The following EPB41L5 variants were observed in gnomAD, a reference collection of about 807,000 sequenced individuals.
EPB41L5 encodes the protein band 4.1-like protein 5.
Under a neutral mutation model 106.6 loss-of-function variants are expected in EPB41L5, and 55 were observed. The ratio of observed to expected loss-of-function variants is 0.52; its 90% CI spans 0.42 to 0.65. The LOEUF (loss-of-function observed/expected upper bound fraction) is 0.65, where lower values mean the gene tolerates loss of function less well. EPB41L5 is among the 30% of genes least tolerant of loss of function. The pLI, the probability that EPB41L5 is intolerant of heterozygous loss-of-function variation, is 0.00. For synonymous variants in EPB41L5, 297 were observed against 306.7 expected (o/e 0.97, Z 0.33); for missense variants, 871 against 882.1 (o/e 0.99, Z 0.16).
intron 16 of EPB41L5, among the ~76,000 whole-genome samples, chr2:120,120,449 A>AAT (rs1685163570): frequency 6.7e-6 from 1 of 148,936 alleles, no homozygotes; most frequent in African/African-American, 2.5e-5. Flanking sequence ...AAAAAAAAAA[A>AAT]GGAACAAGAA....
intron 16 of EPB41L5, among the ~76,000 whole-genome samples, chr2:120,118,847 T>A (rs796933023): frequency 5.0e-4 from 76 of 152,346 alleles, no homozygotes; most frequent in African/African-American, 1.7e-3. Context: ...TTTGGGTATA[T>A]GCCCAGTAAT....
At chr2:120,092,437 C>A (rs1275021793) in intron 13 of EPB41L5, among the ~76,000 whole-genome samples, 4 of 152,076 alleles carry the variant, frequency 2.6e-5, no homozygotes, top group Non-Finnish European at 5.9e-5. Flanking sequence ...TATACATAGA[C>A]ATTTCCTAAT....
chr2:120,146,499 C>CAA (rs1686410730), intron 20 of EPB41L5, among the ~76,000 whole-genome samples: 1 of 152,216 alleles, frequency 6.6e-6, no homozygotes, highest in African/African-American at 2.4e-5. Context: ...CATTTATCTT[C>CAA]AACTGATTCG....
chr2:120,125,802 C>CCTA (rs1279345913), intron 16 of EPB41L5, among the ~76,000 whole-genome samples: 1 of 152,114 alleles, frequency 6.6e-6, no homozygotes, highest in Admixed American at 6.5e-5. Flanking sequence ...TTTGCTAGGA[C>CCTA]TACTGTTACA....
intron 5 of EPB41L5, 60 bp from the exon 6 acceptor site, chr2:120,075,416 G>A (rs1016261489): frequency 9.6e-5 from 122 of 1,269,676 alleles, no homozygotes; most frequent in Non-Finnish European, 1.8e-5. Context: ...AGAAGTGTAA[G>A]ATTTTTTTTC....
chr2:120,084,908 T>A (rs1274003496), intron 10 of EPB41L5, among the ~76,000 whole-genome samples: 1 of 152,236 alleles, frequency 6.6e-6, no homozygotes, highest in Non-Finnish European at 1.5e-5. Flanking sequence ...TTTCTTCCAG[T>A]TGATCAAATC....
intron 19 of EPB41L5, among the ~76,000 whole-genome samples, chr2:120,146,016 T>TA (rs1177567333): frequency 6.6e-6 from 1 of 152,026 alleles, no homozygotes; most frequent in African/African-American, 2.4e-5. Context: ...GTATACCAAA[T>TA]AAAAAAAGGA....
At chr2:120,120,924 C>A (rs1008599133) in intron 16 of EPB41L5, among the ~76,000 whole-genome samples, 5 of 152,112 alleles carry the variant, frequency 3.3e-5, no homozygotes, top group African/African-American at 9.7e-5. Context: ...GAGACCAGCC[C>A]GGCCAACATG....
chr2:120,052,368 G>A (rs148826357), intron 3 of EPB41L5, among the ~76,000 whole-genome samples: 3 of 152,300 alleles, frequency 2.0e-5, no homozygotes, highest in African/African-American at 7.2e-5. Context: ...TGGGTGTCAT[G>A]TACTTTCATT....
chr2:120,120,854 G>T (rs900146643), intron 16 of EPB41L5, among the ~76,000 whole-genome samples: 3 of 152,182 alleles, frequency 2.0e-5, no homozygotes, highest in African/African-American at 7.2e-5. Flanking sequence ...AGTGGCTCAC[G>T]CCTGCAATCC....
chr2:120,160,983 A>G lies in EPB41L5; in HGVS notation c.1887+9A>G. 1.2e-6 allele frequency: 2 copies of G among 1,608,212 alleles called. No homozygotes were observed. The highest frequency in any genetic ancestry group is 1.7e-6 in the Non-Finnish European group (2 of 1,174,818). On this transcript the variant is annotated intron_variant, in intron 21 of 24. Transcript: ENST00000263713. ...GTGGTTCTGTTCTAAAGGTAAGAAT[A>G]CTTTTACTTCTTAAAATTTTTGCCA...
At chr2:120,067,152 G>A (rs576226976) in intron 3 of EPB41L5, among the ~76,000 whole-genome samples, 86 of 152,252 alleles carry the variant, frequency 5.6e-4, no homozygotes, top group African/African-American at 1.8e-3. Flanking sequence ...AGTAGCCCGC[G>A]CACTTGAAAT....
intron 2 of EPB41L5, among the ~76,000 whole-genome samples, chr2:120,033,564 G>C (rs537486429): frequency 6.6e-6 from 1 of 151,908 alleles, no homozygotes; most frequent in East Asian, 1.9e-4. Flanking sequence ...AAAATTAGCC[G>C]GGCGTAGTAG....
At chr2:120,022,072 G>A (rs1049243031) in intron 2 of EPB41L5, among the ~76,000 whole-genome samples, 3 of 152,120 alleles carry the variant, frequency 2.0e-5, no homozygotes, top group East Asian at 1.9e-4. Flanking sequence ...TTGAAAATAC[G>A]ACAGTAAACT....
chr2:120,040,536 A>C (rs574573685), intron 2 of EPB41L5, among the ~76,000 whole-genome samples: 140 of 152,346 alleles, frequency 9.2e-4, no homozygotes, highest in African/African-American at 3.3e-3. Flanking sequence ...GATAAGCCAT[A>C]CAAAAGCCAC....
chr2:120,016,492 C>T (rs949992789), intron 1 of EPB41L5, among the ~76,000 whole-genome samples: 2 of 151,780 alleles, frequency 1.3e-5, no homozygotes, highest in African/African-American at 2.4e-5. Flanking sequence ...AAAAGGCCAA[C>T]GTAGGAGGAT....
intron 2 of EPB41L5, among the ~76,000 whole-genome samples, chr2:120,022,159 A>G (rs1020194636): frequency 2.2e-4 from 33 of 152,208 alleles, no homozygotes; most frequent in Admixed American, 2.6e-4. Context: ...TGTTTGGTCA[A>G]TTAACCAATA....
At chr2:120,111,637 T>C (rs1000477751) in intron 16 of EPB41L5, among the ~76,000 whole-genome samples, 2 of 152,128 alleles carry the variant, frequency 1.3e-5, no homozygotes, top group Non-Finnish European at 2.9e-5. Flanking sequence ...GGTCTACTGC[T>C]TGTTACCATC....
chr2:120,084,870 T>G (rs1002259063), intron 10 of EPB41L5, among the ~76,000 whole-genome samples: 1 of 152,206 alleles, frequency 6.6e-6, no homozygotes, highest in South Asian at 2.1e-4. Context: ...CTTCATTTCA[T>G]TCATTTGATC....
Sources: gnomAD v4.1 joint callset for allele counts (sites outside exome capture counted in the v4.1 genomes callset) on GRCh38, gnomAD v4.1.1 for gene constraint, MANE v1.5 for transcripts, NCBI Gene and HGNC (gene_info 2026-07-23, HGNC 2026-07-21) for gene names.